Variants in TPCN2 observed in about 807,000 individuals in gnomAD.
TPCN2 encodes the protein two pore channel protein 2.
In TPCN2, 92 loss-of-function variants were observed where a neutral mutation model predicts 111.4. The observed-to-expected ratio is 0.83, with a 90% CI of 0.70 to 0.98. The LOEUF (loss-of-function observed/expected upper bound fraction) is 0.98. Ranked by LOEUF, TPCN2 falls within the 50% of genes least tolerant of loss-of-function variation. The probability of loss-of-function intolerance (pLI) is 0.00; values close to 1 mark genes in which losing one functional copy is unlikely to be tolerated. For synonymous variants in TPCN2, 405 were observed against 414.5 expected, an observed-to-expected ratio of 0.98 and a Z score of 0.28; for missense variants, 995 against 980.1, an observed-to-expected ratio of 1.02 and a Z score of -0.20.
intron 1 of TPCN2, among the ~76,000 whole-genome samples, chr11:69,050,042 G>A (rs921510912): frequency 6.6e-6 from 1 of 152,196 alleles, no homozygotes; most frequent in Admixed American, 6.5e-5. Context: ...TGTCTGGAAG[G>A]AACTGGGTTG....
rs1856214359 is a variant in TPCN2 at position 69,085,116 on chromosome 11, A to G, written c.1762-94A>G. The stretch of plus-strand genomic sequence containing the variant: ...CCTGGGCAGAGGGTCCTGGCCTCAC[A>G]GTCATCCTCTGGCTTTGCGGTTCTG... On this transcript the variant is annotated intron_variant, in intron 19 of 24. Coordinates refer to ENST00000294309, the MANE Select transcript of TPCN2 (RefSeq NM_139075.4). The G allele has an allele frequency of 5.9e-6, 7 of 1,194,652 alleles. No individual in the cohort carries two copies. In the East Asian group the frequency reaches 1.6e-4, roughly 28 times the overall value. The allele number at this position is 1,194,652 out of a possible 1,614,324, so 74.0% of individuals were successfully genotyped here. A position where few individuals can be genotyped will look rare whatever the true frequency, so the allele number is the denominator to read the frequency against.
intron 5 of TPCN2, among the ~76,000 whole-genome samples, chr11:69,060,634 T>C (rs747255597): frequency 1.3e-5 from 2 of 152,162 alleles, no homozygotes; most frequent in African/African-American, 2.4e-5. Flanking sequence ...CCCGTCCTTA[T>C]AGAGGCCTCA....
intron 13 of TPCN2, among the ~76,000 whole-genome samples, chr11:69,077,718 G>T (rs927853711): frequency 6.6e-6 from 1 of 152,170 alleles, no homozygotes; most frequent in African/African-American, 2.4e-5. Context: ...GCCTGTTCAC[G>T]CAGCCATGTC....
intron 1 of TPCN2, among the ~76,000 whole-genome samples, chr11:69,049,438 C>T (rs1590696786): frequency 6.6e-6 from 1 of 152,214 alleles, no homozygotes; most frequent in African/African-American, 2.4e-5. Context: ...TGTGCCCGGG[C>T]GGGCCCAGAC....
At chr11:69,059,389 G>T (rs1015901539) in intron 5 of TPCN2, among the ~76,000 whole-genome samples, 4 of 152,180 alleles carry the variant, frequency 2.6e-5, no homozygotes, top group Non-Finnish European at 5.9e-5. Context: ...TTTCCAGAGC[G>T]GGGACCCAGA....
intron 13 of TPCN2, among the ~76,000 whole-genome samples, chr11:69,076,445 C>A (rs6591371): frequency 2.7e-5 from 4 of 149,980 alleles, no homozygotes; most frequent in Non-Finnish European, 6.0e-5. Context: ...GCTGTAGGTC[C>A]CCTGGGGACT....
In TPCN2 at chr11:69,087,206, G is replaced by A; in HGVS notation, c.2180G>A (p.Arg727Lys). Residue 727 changes from arginine (R) to lysine (K), a missense_variant and splice_region_variant, in exon 24 of 25, where the codon AGG becomes AAG. Transcript: ENST00000294309. ...CAGATGACTGTGGAGCTCCTGTTCA[G>A]GTGTGTGGGTGGGGAAGGCGCTTCT... ...TYQMTVELLFRDILEEPGEDE... is the reference protein window; with the variant it reads ...TYQMTVELLFKDILEEPGEDE... 3 of 1,613,536 alleles carry A rather than the reference G, an allele frequency of 1.9e-6. No individual in the cohort carries two copies. The highest frequency in any genetic ancestry group is 2.5e-6 in the Non-Finnish European group (3 of 1,179,602).
intron 22 of TPCN2, 65 bp from the exon 23 acceptor site, chr11:69,086,458 T>G: frequency 1.5e-6 from 2 of 1,331,868 alleles, no homozygotes; most frequent in Non-Finnish European, 2.2e-6. Flanking sequence ...GCAGCAGTGG[T>G]GTTTGTATCG....
intron 18 of TPCN2, among the ~76,000 whole-genome samples, chr11:69,082,974 T>C (rs58952042): frequency 2.2e-4 from 33 of 146,776 alleles, no homozygotes; most frequent in African/African-American, 8.1e-4. Flanking sequence ...CAGATATCCT[T>C]GTGAACTCGT....
At chr11:69,079,929 A>G in intron 17 of TPCN2, 46 bp downstream of exon 17, 1 of 1,594,598 alleles carries the variant, frequency 6.3e-7, no homozygotes, top group East Asian at 2.2e-5. Flanking sequence ...AAACAGCACC[A>G]CCACCCAGCG....
chr11:69,079,887 T>C lies in TPCN2; in HGVS notation c.1589+4T>C. 1 of 1,613,662 alleles carries C rather than the reference T, an allele frequency of 6.2e-7. No individual in the cohort carries two copies. The highest frequency in any genetic ancestry group is 1.1e-5 in the South Asian group (1 of 91,030). The stretch of plus-strand genomic sequence containing the variant: ...ACCGATTGCCACACCCAGGCTGGTA[T>C]GTGACTGGGCAGAACCGAGGGCGGC... On this transcript the variant is annotated splice_donor_region_variant and intron_variant, in intron 17 of 24. Coordinates refer to ENST00000294309, the MANE Select transcript of TPCN2 (RefSeq NM_139075.4).
In TPCN2 at chr11:69,078,931, AT is replaced by A; in HGVS notation, c.1451del (p.Met484SerfsTer60). The A allele has an allele frequency of 1.9e-6, 3 of 1,613,822 alleles. No individual in the cohort carries two copies. The highest frequency in any genetic ancestry group is 2.5e-6 in the Non-Finnish European group (3 of 1,179,928). On this transcript the variant is annotated frameshift_variant, in exon 16 of 25. Coordinates refer to ENST00000294309, the MANE Select transcript of TPCN2 (RefSeq NM_139075.4). LOFTEE classifies it high-confidence loss of function. ...CTTCATTGTGTACTACCTGTTGGAG[AT>A]GCTGCTCAAGGTCTTTGCCCTGGGC... ...CVFIVYYLLEMLLKVFALGLR... is the reference protein window; with the variant it reads ...CVFIVYYLLEXLLKVFALGLR...
At chr11:69,082,641 C>T (rs1213347169) in intron 18 of TPCN2, among the ~76,000 whole-genome samples, 1 of 149,878 alleles carries the variant, frequency 6.7e-6, no homozygotes, top group African/African-American at 2.5e-5. Flanking sequence ...ATCGTGTGTG[C>T]ACACATCGCG....
chr11:69,086,727 G>A, intron 23 of TPCN2, 123 bp downstream of exon 23: 1 of 942,180 alleles, frequency 1.1e-6, no homozygotes. Flanking sequence ...GCTGGGTTAG[G>A]CGGGTCCTGA....
At chr11:69,063,537 G>A (rs940430562) in intron 6 of TPCN2, among the ~76,000 whole-genome samples, 1 of 152,084 alleles carries the variant, frequency 6.6e-6, no homozygotes, top group African/African-American at 2.4e-5. Context: ...CAGTGGCAGC[G>A]TTGCCCGAGT....
At chr11:69,076,309 G>A (rs546954666) in intron 13 of TPCN2, among the ~76,000 whole-genome samples, 5 of 152,310 alleles carry the variant, frequency 3.3e-5, no homozygotes, top group African/African-American at 9.6e-5. Flanking sequence ...GGCCCAGGCT[G>A]TGAGCAGGCA....
intron 16 of TPCN2, 30 bp from the exon 17 acceptor site, chr11:69,079,804 G>C (rs781412423): frequency 6.2e-7 from 1 of 1,610,574 alleles, no homozygotes; most frequent in East Asian, 2.2e-5. Flanking sequence ...TGTTGCTGTA[G>C]CGAAGCCTTC....
intron 6 of TPCN2, 46 bp downstream of exon 6, chr11:69,063,036 C>T (rs1421360260): frequency 1.3e-6 from 2 of 1,561,184 alleles, no homozygotes; most frequent in African/African-American, 1.4e-5. Context: ...AAGGGGCTCT[C>T]TCTGCCCCGG....
At chr11:69,071,795 T>G in intron 10 of TPCN2, 128 bp from the exon 11 acceptor site, 1 of 792,758 alleles carries the variant, frequency 1.3e-6, no homozygotes, top group Non-Finnish European at 2.1e-6. Flanking sequence ...CCCCAGGCTG[T>G]GGGGAACTGG....
Sources: gnomAD v4.1 joint callset for allele counts (sites outside exome capture counted in the v4.1 genomes callset) on GRCh38, gnomAD v4.1.1 for gene constraint, MANE v1.5 for transcripts, NCBI Gene and HGNC (gene_info 2026-07-23, HGNC 2026-07-21) for gene names.